Variants in PLCB1 observed in about 807,000 individuals in gnomAD.
PLCB1 encodes 1-phosphatidylinositol 4,5-bisphosphate phosphodiesterase beta-1.
In PLCB1, 46 loss-of-function variants were observed where a neutral mutation model predicts 161.8. The ratio of observed to expected loss-of-function variants is 0.28; its 90% CI spans 0.22 to 0.36. The LOEUF is 0.36. Ranked by LOEUF, PLCB1 falls within the 10% of genes least tolerant of loss-of-function variation. The probability of loss-of-function intolerance (pLI) is 1.00; values close to 1 mark genes in which losing one functional copy is unlikely to be tolerated. For synonymous variants in PLCB1, 517 were observed against 503.7 expected, an observed-to-expected ratio of 1.03 and a Z score of -0.35; for missense variants, 1,016 against 1,472.5, an observed-to-expected ratio of 0.69 and a Z score of 5.07.
At chr20:8,151,261 T>C (rs1030885558) in intron 2 of PLCB1, among the ~76,000 whole-genome samples, 2 of 152,184 alleles carry the variant, frequency 1.3e-5, no homozygotes, top group African/African-American at 2.4e-5. Context: ...CAGTTACGGA[T>C]GAAGGAGGAA....
chr20:8,647,918 G>A lies in PLCB1; in HGVS notation c.483G>A (p.Leu161=). The A allele has an allele frequency of 6.2e-7, 1 of 1,601,508 alleles. No homozygotes were observed. Among genetic ancestry groups the A allele is most frequent in the Non-Finnish European group, 8.5e-7 (1 of 1,175,944 alleles). Residue 161 remains leucine (L), a synonymous_variant, in exon 6 of 32, where the codon CTG becomes CTA. Transcript: ENST00000338037. ...CCAACAGCTATACTAAACTTAAGCT[G>A]CAAGTCACTCCAGAAGGGCGTATTC... ...FLEKAYTKLK[L]QVTPEGRIPL...
intron 3 of PLCB1, among the ~76,000 whole-genome samples, chr20:8,498,078 A>C (rs1983251242): frequency 6.6e-6 from 1 of 152,188 alleles, no homozygotes; most frequent in Admixed American, 6.5e-5. Context: ...GCCAAGAATC[A>C]AAATATGCCT....
chr20:8,421,969 T>C (rs1421650686), intron 3 of PLCB1, among the ~76,000 whole-genome samples: 1 of 152,238 alleles, frequency 6.6e-6, no homozygotes, highest in Admixed American at 6.5e-5. Flanking sequence ...AAATGTCTTA[T>C]GCACAGCATT....
chr20:8,716,701 A>G (rs1360707255), intron 13 of PLCB1, among the ~76,000 whole-genome samples: 1 of 152,198 alleles, frequency 6.6e-6, no homozygotes, highest in Non-Finnish European at 1.5e-5. Flanking sequence ...TGGATTGGCA[A>G]AACAGGACAC....
intron 2 of PLCB1, among the ~76,000 whole-genome samples, chr20:8,287,312 T>G (rs1983166207): frequency 6.6e-6 from 1 of 152,174 alleles, no homozygotes. Context: ...TACATTGATT[T>G]TTTATATATT....
At chr20:8,155,806 G>A (rs1271641366) in intron 2 of PLCB1, among the ~76,000 whole-genome samples, 1 of 152,138 alleles carries the variant, frequency 6.6e-6, no homozygotes, top group Non-Finnish European at 1.5e-5. Context: ...TAGAAGATAA[G>A]TGCTATTTAT....
intron 31 of PLCB1, chr20:8,801,985 G>T: frequency 1.1e-6 from 1 of 920,824 alleles, no homozygotes; most frequent in Non-Finnish European, 1.8e-6. Flanking sequence ...ACAAATAATT[G>T]GAAACACCAG....
chr20:8,183,343 A>G (rs1568582018), intron 2 of PLCB1, among the ~76,000 whole-genome samples: 1 of 152,242 alleles, frequency 6.6e-6, no homozygotes, highest in Non-Finnish European at 1.5e-5. Context: ...GTGAAGTGAA[A>G]TATATGTAAA....
chr20:8,533,974 C>T (rs1256820807), intron 3 of PLCB1, among the ~76,000 whole-genome samples: 1 of 152,150 alleles, frequency 6.6e-6, no homozygotes, highest in Admixed American at 6.5e-5. Context: ...CCTAGGTTTT[C>T]TTCTCGGGTT....
At chr20:8,394,080 G>T (rs1987689999) in intron 3 of PLCB1, among the ~76,000 whole-genome samples, 1 of 151,990 alleles carries the variant, frequency 6.6e-6, no homozygotes, top group Non-Finnish European at 1.5e-5. Context: ...AAAACCATCA[G>T]CATTGCCCAC....
At chr20:8,341,849 G>A (rs1829311101) in intron 2 of PLCB1, among the ~76,000 whole-genome samples, 1 of 152,104 alleles carries the variant, frequency 6.6e-6, no homozygotes, top group Admixed American at 6.6e-5. Context: ...TATGAAGTAG[G>A]AACTACTATC....
rs191734581 is a variant in PLCB1 at position 8,350,045 on chromosome 20, A to C, written c.178-21337A>C. Among the ~76,000 whole-genome samples, 897 of 152,320 alleles carry C rather than the reference A, an allele frequency of 5.9e-3. 5 individuals carry two copies. The highest frequency in any genetic ancestry group is 0.02 in the African/African-American group (842 of 41,578). ...ATGTACAAACGTCTATTGTTTTTCTATGTTCCAGAAATGAACAATTGGAAC... is the reference window on the plus strand; with the variant it reads ...ATGTACAAACGTCTATTGTTTTTCTCTGTTCCAGAAATGAACAATTGGAAC... On this transcript the variant is annotated intron_variant, in intron 2 of 31. Coordinates refer to ENST00000338037, the MANE Select transcript of PLCB1 (RefSeq NM_015192.4).
rs560907332 is a variant in PLCB1 at position 8,461,403 on chromosome 20, C to T, written c.246+89953C>T. 2.7e-3 allele frequency among the ~76,000 whole-genome samples: 411 copies of T among 152,272 alleles called. 2 individuals carry two copies. The highest frequency in any genetic ancestry group is 9.0e-3 in the African/African-American group (372 of 41,556). Reference sequence around the variant, plus strand: ...TTACAGGATAATTTCTGACAAGTCACTTAATCCCTCTAAGCATCAATTTCC... The same window carrying T: ...TTACAGGATAATTTCTGACAAGTCATTTAATCCCTCTAAGCATCAATTTCC... On this transcript the variant is annotated intron_variant, in intron 3 of 31. Transcript: ENST00000338037.
Position 8,881,705 on chromosome 20 carries a change from GA to G in PLCB1, c.3510del (p.Gly1171GlufsTer23). 6.2e-7 allele frequency: 1 copy of G among 1,614,076 alleles called. No homozygotes were observed. Among genetic ancestry groups the G allele is most frequent in the Non-Finnish European group, 8.5e-7 (1 of 1,179,984 alleles). ...EILEFVQEAM[K>X]GKISEDSNHG... is the part of the protein sequence containing the mutation. ...TTTTGGAATTCGTGCAGGAAGCCAT[GA>G]AAGGAAAGATCAGTGAAGACAGCAA... On this transcript the variant is annotated frameshift_variant, in exon 32 of 32. Coordinates refer to ENST00000338037, the MANE Select transcript of PLCB1 (RefSeq NM_015192.4). LOFTEE classifies it high-confidence loss of function.
intron 2 of PLCB1, among the ~76,000 whole-genome samples, chr20:8,279,284 CTATT>C (rs1351925852): frequency 4.2e-4 from 64 of 152,236 alleles, no homozygotes; most frequent in Non-Finnish European, 1.8e-4. Context: ...ATAAGCAAAA[CTATT>C]TAGCCTTAAA....
intron 3 of PLCB1, among the ~76,000 whole-genome samples, chr20:8,599,953 G>A: frequency 7.1e-6 from 1 of 141,252 alleles, no homozygotes; most frequent in Non-Finnish European, 1.5e-5. Context: ...AGCTCCATCA[G>A]CTCCTTTAAG....
intron 26 of PLCB1, among the ~76,000 whole-genome samples, chr20:8,770,730 C>T (rs1982634033): frequency 6.6e-6 from 1 of 152,140 alleles, no homozygotes; most frequent in Non-Finnish European, 1.5e-5. Flanking sequence ...TTGCATTCTT[C>T]TGAGTTTCTG....
chr20:8,494,396 C>T (rs34022128), intron 3 of PLCB1, among the ~76,000 whole-genome samples: 7,252 of 152,060 alleles, frequency 0.048, 569 homozygotes, highest in African/African-American at 0.17. Context: ...ATCATGTATT[C>T]GAGATAAGAT....
chr20:8,494,804 A>C (rs903003655), intron 3 of PLCB1, among the ~76,000 whole-genome samples: 4 of 151,902 alleles, frequency 2.6e-5, no homozygotes, highest in Non-Finnish European at 4.4e-5. Context: ...ATAGTAAGGG[A>C]CTTCTTTGGC....
Sources: gnomAD v4.1 joint callset for allele counts (sites outside exome capture counted in the v4.1 genomes callset) on GRCh38, gnomAD v4.1.1 for gene constraint, MANE v1.5 for transcripts, NCBI Gene and HGNC (gene_info 2026-07-23, HGNC 2026-07-21) for gene names.